The following CDH13 variants were observed in gnomAD, a reference collection of about 807,000 sequenced individuals.
CDH13 encodes the protein cadherin 13.
A neutral mutation model predicts 63.8 loss-of-function variants in CDH13; 24 were observed. The ratio of observed to expected loss-of-function variants is 0.38; its 90% CI spans 0.27 to 0.53. CDH13 has a LOEUF of 0.53. Ranked by LOEUF, CDH13 falls within the 20% of genes least tolerant of loss-of-function variation. The pLI is 0.85. For missense variants in CDH13, 1,049 were observed against 903.1 expected, an observed-to-expected ratio of 1.16 and a Z score of -2.07; for synonymous variants, 503 against 355.3, an observed-to-expected ratio of 1.42 and a Z score of -4.67.
intron 3 of CDH13, among the ~76,000 whole-genome samples, chr16:83,059,698 C>T (rs374735156): frequency 1.2e-4 from 18 of 151,696 alleles, no homozygotes; most frequent in African/African-American, 3.9e-4. Flanking sequence ...ATCACATCTG[C>T]AATAGAGCTT....
intron 6 of CDH13, among the ~76,000 whole-genome samples, chr16:83,432,495 A>C (rs534449833): frequency 3.3e-5 from 5 of 152,212 alleles, no homozygotes; most frequent in Non-Finnish European, 7.3e-5. Flanking sequence ...CTTCTGGGGC[A>C]TGGAGAACAG....
chr16:83,556,179 C>T (rs960386500), intron 7 of CDH13, among the ~76,000 whole-genome samples: 1 of 152,202 alleles, frequency 6.6e-6, no homozygotes, highest in Non-Finnish European at 1.5e-5. Context: ...GGCTTAGAGA[C>T]AATTTGGGTC....
chr16:83,088,507 G>T (rs568129595), intron 3 of CDH13, among the ~76,000 whole-genome samples: 1 of 152,302 alleles, frequency 6.6e-6, no homozygotes, highest in South Asian at 2.1e-4. Context: ...TCTAGGATCA[G>T]TAGCCCTTAG....
chr16:83,225,060 A>G (rs377639558), intron 5 of CDH13, among the ~76,000 whole-genome samples: 2 of 152,138 alleles, frequency 1.3e-5, no homozygotes, highest in East Asian at 3.9e-4. Context: ...TTAGAGATGT[A>G]AATTGTTAGG....
intron 1 of CDH13, among the ~76,000 whole-genome samples, chr16:82,850,109 G>A (rs1445028403): frequency 6.6e-6 from 1 of 152,194 alleles, no homozygotes; most frequent in Non-Finnish European, 1.5e-5. Context: ...AATACATTTT[G>A]TAAGGCTACA....
At chr16:82,662,494 G>A (rs900145779) in intron 1 of CDH13, among the ~76,000 whole-genome samples, 12 of 152,310 alleles carry the variant, frequency 7.9e-5, no homozygotes, top group African/African-American at 2.9e-4. Context: ...TTTAGAGACT[G>A]GTTAATGGTG....
chr16:83,300,228 C>T (rs540114196), intron 5 of CDH13, among the ~76,000 whole-genome samples: 1 of 152,298 alleles, frequency 6.6e-6, no homozygotes, highest in South Asian at 2.1e-4. Context: ...CAGAAAAGGT[C>T]AACTTAGAAA....
chr16:83,217,206 A>C, intron 4 of CDH13, 139 bp from the exon 5 acceptor site: 1 of 734,026 alleles, frequency 1.4e-6, no homozygotes, highest in Non-Finnish European at 2.3e-6. Context: ...TGGTGCTGTT[A>C]CTTTAGTCAA....
intron 6 of CDH13, among the ~76,000 whole-genome samples, chr16:83,457,486 G>A (rs181225233): frequency 1.3e-5 from 2 of 152,112 alleles, no homozygotes; most frequent in Admixed American, 6.5e-5. Context: ...ATTAAGGATT[G>A]TGTGTGTCTG....
intron 7 of CDH13, among the ~76,000 whole-genome samples, chr16:83,521,494 G>T (rs2074835609): frequency 6.6e-6 from 1 of 152,202 alleles, no homozygotes; most frequent in African/African-American, 2.4e-5. Flanking sequence ...GTCAACAACA[G>T]CAATAAAATG....
chr16:82,774,073 G>A (rs1025508431), intron 1 of CDH13, among the ~76,000 whole-genome samples: 1 of 151,944 alleles, frequency 6.6e-6, no homozygotes, highest in East Asian at 1.9e-4. Flanking sequence ...GTAAGACACC[G>A]TGCCCGGCCA....
At chr16:83,611,034 A>G (rs1211855054) in intron 8 of CDH13, among the ~76,000 whole-genome samples, 1 of 151,948 alleles carries the variant, frequency 6.6e-6, no homozygotes, top group African/African-American at 2.4e-5. Flanking sequence ...TTTAATTTGT[A>G]TTTCTCTGGT....
chr16:82,793,394 A>C (rs532465843), intron 1 of CDH13, among the ~76,000 whole-genome samples: 4 of 151,056 alleles, frequency 2.6e-5, no homozygotes, highest in African/African-American at 4.9e-5. Flanking sequence ...AAAAAAAATC[A>C]CTCCACCCCT....
intron 5 of CDH13, among the ~76,000 whole-genome samples, chr16:83,291,644 C>G (rs1362631299): frequency 6.6e-6 from 1 of 152,082 alleles, no homozygotes; most frequent in African/African-American, 2.4e-5. Flanking sequence ...GCCGTCATAA[C>G]TGTTTGATGT....
intron 5 of CDH13, among the ~76,000 whole-genome samples, chr16:83,283,929 C>T (rs2089245924): frequency 6.6e-6 from 1 of 152,048 alleles, no homozygotes; most frequent in Non-Finnish European, 1.5e-5. Flanking sequence ...TGTGTTTCAG[C>T]ATTTGACACA....
intron 6 of CDH13, among the ~76,000 whole-genome samples, chr16:83,354,549 C>T (rs2059279): frequency 1 from 151,713 of 152,344 alleles, 75,545 homozygotes; most frequent in Non-Finnish European, 1. Flanking sequence ...ATTTAAGTTT[C>T]GGATAAAATA....
intron 13 of CDH13, among the ~76,000 whole-genome samples, chr16:83,794,718 G>A (rs1330050949): frequency 2.6e-5 from 4 of 151,960 alleles, no homozygotes; most frequent in Non-Finnish European, 5.9e-5. Context: ...AAATAGCCAA[G>A]CTCTGTGCTG....
chr16:82,764,209 C>T (rs1320240242), intron 1 of CDH13, among the ~76,000 whole-genome samples: 1 of 152,176 alleles, frequency 6.6e-6, no homozygotes, highest in African/African-American at 2.4e-5. Context: ...CAGACAAGTA[C>T]ACAGGCTAAG....
rs576943788 is a variant in CDH13, at chr16:83,287,868, T to C, written c.637-56994T>C. On this transcript the variant is annotated intron_variant, in intron 5 of 13. Coordinates refer to ENST00000567109, the MANE Select transcript of CDH13 (RefSeq NM_001257.5). ...GAGTGATAGCATTGTAATGTAACAT[T>C]TTTGAAACTCAAAATTAATGCATAG... 2.6e-5 allele frequency among the ~76,000 whole-genome samples: 4 copies of C among 152,302 alleles called. No individual in the cohort carries two copies. In the East Asian group the frequency reaches 7.7e-4, roughly 29 times the overall value.
Sources: gnomAD v4.1 joint callset for allele counts (sites outside exome capture counted in the v4.1 genomes callset) on GRCh38, gnomAD v4.1.1 for gene constraint, MANE v1.5 for transcripts, NCBI Gene and HGNC (gene_info 2026-07-23, HGNC 2026-07-21) for gene names.